Variants in ACBD6 observed in about 807,000 individuals in gnomAD.
ACBD6 encodes the protein acyl-CoA-binding domain-containing protein 6.
In ACBD6, 28 loss-of-function variants were observed where a neutral mutation model predicts 37.2. That is an observed-to-expected ratio of 0.75 (90% CI 0.56 to 1.03). The LOEUF (loss-of-function observed/expected upper bound fraction) is 1.03, where lower values mean the gene tolerates loss of function less well. Ranked by LOEUF, ACBD6 falls within the 50% of genes least tolerant of loss-of-function variation. The pLI is 0.00. For missense variants in ACBD6, 340 were observed against 337.4 expected, an observed-to-expected ratio of 1.01 and a Z score of -0.06; for synonymous variants, 113 against 126.8, an observed-to-expected ratio of 0.89 and a Z score of 0.73.
intron 6 of ACBD6, among the ~76,000 whole-genome samples, chr1:180,368,918 G>C (rs1031881508): frequency 1.3e-5 from 2 of 152,072 alleles, no homozygotes; most frequent in African/African-American, 4.8e-5. Context: ...GGATAAGAAA[G>C]GCTACTGCAC....
At chr1:180,375,514 T>C (rs1462695264) in intron 6 of ACBD6, among the ~76,000 whole-genome samples, 1 of 152,164 alleles carries the variant, frequency 6.6e-6, no homozygotes, top group Non-Finnish European at 1.5e-5. Flanking sequence ...TCTGTAGAGA[T>C]GGGGTCTTGC....
chr1:180,271,275 A>G, exon 14 of ACBD6: 1 of 1,294,910 alleles, frequency 7.7e-7, no homozygotes, highest in Admixed American at 1.7e-5. Flanking sequence ...TGTCCTGCCT[A>G]CAGCAGGCAG....
intron 5 of ACBD6, among the ~76,000 whole-genome samples, chr1:180,398,420 GATT>G (rs1310670143): frequency 6.6e-6 from 1 of 152,074 alleles, no homozygotes; most frequent in Non-Finnish European, 1.5e-5. Flanking sequence ...TCCTTAAAAA[GATT>G]ATTTAACCAG....
intron 6 of ACBD6, among the ~76,000 whole-genome samples, chr1:180,366,199 TTAAC>T (rs1413624610): frequency 1.8e-4 from 27 of 152,330 alleles, no homozygotes; most frequent in African/African-American, 6.0e-4. Flanking sequence ...AGGCAGATGA[TTAAC>T]TAATTTCCTG....
At chr1:180,481,042 A>C (rs998833932) in intron 3 of ACBD6, among the ~76,000 whole-genome samples, 3 of 147,434 alleles carry the variant, frequency 2.0e-5, no homozygotes, top group Admixed American at 6.8e-5. Context: ...AAAAAAAAAC[A>C]AAAAAAAAAC....
chr1:180,491,339 T>C (rs1005188146), intron 3 of ACBD6, among the ~76,000 whole-genome samples: 1 of 152,192 alleles, frequency 6.6e-6, no homozygotes, highest in Non-Finnish European at 1.5e-5. Context: ...CTGTTAATCA[T>C]TTAACAATAT....
intron 6 of ACBD6, among the ~76,000 whole-genome samples, chr1:180,338,935 T>C (rs1651856629): frequency 6.6e-6 from 1 of 152,132 alleles, no homozygotes; most frequent in South Asian, 2.1e-4. Context: ...AAAAGATGCT[T>C]ATCATCACTG....
chr1:180,478,380 G>C (rs1650883593), intron 3 of ACBD6, among the ~76,000 whole-genome samples: 1 of 152,050 alleles, frequency 6.6e-6, no homozygotes, highest in South Asian at 2.1e-4. Context: ...ATAGTCCACT[G>C]AATTAAACAA....
chr1:180,332,809 G>A (rs182918070), intron 6 of ACBD6, among the ~76,000 whole-genome samples: 2 of 152,156 alleles, frequency 1.3e-5, no homozygotes, highest in East Asian at 3.9e-4. Flanking sequence ...TGTCTTCCAC[G>A]AAACCTGTCC....
chr1:180,320,871 C>A (rs915890843), intron 6 of ACBD6, among the ~76,000 whole-genome samples: 2 of 152,004 alleles, frequency 1.3e-5, no homozygotes, highest in Non-Finnish European at 2.9e-5. Flanking sequence ...TTACAGAGAC[C>A]AAAGTCCTGG....
At chr1:180,360,611 C>T (rs1239687037) in intron 6 of ACBD6, among the ~76,000 whole-genome samples, 2 of 151,970 alleles carry the variant, frequency 1.3e-5, no homozygotes, top group South Asian at 2.1e-4. Flanking sequence ...AGAACCACTG[C>T]CCTATGCTAG....
chr1:180,354,361 A>G (rs774967195), intron 6 of ACBD6, among the ~76,000 whole-genome samples: 1 of 152,226 alleles, frequency 6.6e-6, no homozygotes, highest in Non-Finnish European at 1.5e-5. Context: ...CTATTTGCCT[A>G]TAAATATTAT....
intron 6 of ACBD6, among the ~76,000 whole-genome samples, chr1:180,367,887 G>A (rs570991087): frequency 6.6e-6 from 1 of 152,184 alleles, no homozygotes; most frequent in Admixed American, 6.5e-5. Context: ...AATGATTTAT[G>A]TACCTCTTGG....
At chr1:180,318,093 T>C (rs1430819033) in intron 6 of ACBD6, among the ~76,000 whole-genome samples, 1 of 138,556 alleles carries the variant, frequency 7.2e-6, no homozygotes, top group African/African-American at 2.6e-5. Flanking sequence ...ACCCAGGAGA[T>C]GGAGGTTGCA....
In ACBD6 at chr1:180,459,967, C is replaced by CTTTT. The variant is rs67323272; in HGVS notation, c.385-29709_385-29706dup. Among the ~76,000 whole-genome samples, 358 of 107,922 alleles carry CTTTT rather than the reference C, an allele frequency of 3.3e-3. 2 individuals are homozygous for CTTTT. The highest frequency in any genetic ancestry group is 0.01 in the African/African-American group (323 of 30,796). 70.8% of individuals were successfully genotyped at this position (107,922 alleles called of 152,430 possible). A position where few individuals can be genotyped will look rare whatever the true frequency, so the allele number is the denominator to read the frequency against. On this transcript the variant is annotated intron_variant, in intron 3 of 7. Transcript: ENST00000367595. Reference sequence around the variant, plus strand: ...CTACAAAAGCATGACCAGACTGCTTCTTTTTTTTTTTTTTTTTTTTTTTTT... The same window carrying CTTTT: ...CTACAAAAGCATGACCAGACTGCTTCTTTTTTTTTTTTTTTTTTTTTTTTTTTTT...
intron 6 of ACBD6, among the ~76,000 whole-genome samples, chr1:180,361,275 CTTT>C (rs34773334): frequency 1.5e-5 from 2 of 135,690 alleles, no homozygotes; most frequent in Non-Finnish European, 1.6e-5. Context: ...TTTTTTTTTC[CTTT>C]TTTTTTTTTT....
intron 6 of ACBD6, among the ~76,000 whole-genome samples, chr1:180,363,811 T>C (rs1322876245): frequency 6.6e-6 from 1 of 152,192 alleles, no homozygotes; most frequent in Non-Finnish European, 1.5e-5. Context: ...GGCTTTGTAA[T>C]GCTCATCCTT....
chr1:180,329,881 T>C (rs1179614041), intron 6 of ACBD6, among the ~76,000 whole-genome samples: 1 of 152,180 alleles, frequency 6.6e-6, no homozygotes, highest in Non-Finnish European at 1.5e-5. Flanking sequence ...TGGCTGTCTT[T>C]CTGTTTCCGG....
chr1:180,293,454 C>A (rs1197725269), intron 7 of ACBD6, among the ~76,000 whole-genome samples: 1 of 152,064 alleles, frequency 6.6e-6, no homozygotes, highest in African/African-American at 2.4e-5. Flanking sequence ...ATTACAGGCA[C>A]CCACCACCAC....
Sources: allele counts gnomAD v4.1 joint callset (sites outside exome capture counted in the v4.1 genomes callset), GRCh38; gene constraint gnomAD v4.1.1; transcripts MANE v1.5; gene names NCBI Gene and HGNC (gene_info 2026-07-23, HGNC 2026-07-21).